Variants in F5 observed in about 807,000 individuals in gnomAD.
F5 encodes coagulation factor V.
A neutral mutation model predicts 216.4 loss-of-function variants in F5; 138 were observed. The observed-to-expected ratio is 0.64, with a 90% CI of 0.56 to 0.73. The LOEUF is 0.73. Ranked by LOEUF, F5 falls within the 30% of genes least tolerant of loss-of-function variation. The pLI is 0.00. For synonymous variants in F5, 916 were observed against 930.7 expected, an observed-to-expected ratio of 0.98 and a Z score of 0.29; for missense variants, 2,403 against 2,674.0, an observed-to-expected ratio of 0.90 and a Z score of 2.24.
intron 13 of F5, among the ~76,000 whole-genome samples, chr1:169,539,032 A>T (rs1659770932): frequency 6.6e-6 from 1 of 152,222 alleles, no homozygotes; most frequent in Non-Finnish European, 1.5e-5. Context: ...GTTCCAAAAT[A>T]AAAAGTTTAA....
intron 21 of F5, among the ~76,000 whole-genome samples, chr1:169,522,140 T>C (rs1033226961): frequency 3.9e-5 from 6 of 152,156 alleles, no homozygotes; most frequent in African/African-American, 1.4e-4. Context: ...CAATATGACA[T>C]AGATAATTTT....
At chr1:169,523,588 G>C (rs1242427779) in intron 20 of F5, among the ~76,000 whole-genome samples, 1 of 152,130 alleles carries the variant, frequency 6.6e-6, no homozygotes, top group East Asian at 1.9e-4. Context: ...GTATCTCTGT[G>C]CCTTTTGTTT....
rs6031 is a variant in F5 at position 169,542,665 on chromosome 1, G to A, written c.2425C>T (p.Pro809Ser). Reference sequence around the variant, plus strand: ...TTCTTGCCAATGAGGTGTCTCAGTGGGGAACCAGCTGTGGTGGCTTGTTGG... The same window carrying A: ...TTCTTGCCAATGAGGTGTCTCAGTGAGGAACCAGCTGTGGTGGCTTGTTGG... ...SHQQATTAGS[P>S]LRHLIGKNSV... is the part of the protein sequence containing the mutation. Residue 809 changes from proline to serine, a missense_variant, in exon 13 of 25, where the codon CCA (proline) becomes TCA (serine). Transcript: ENST00000367797. 6,930 of 1,614,062 alleles carry A rather than the reference G, an allele frequency of 4.3e-3. 263 individuals carry two copies. In the African/African-American group the frequency reaches 0.081, roughly 19 times the overall value.
At chr1:169,580,939 C>G (rs77014538) in intron 2 of F5, among the ~76,000 whole-genome samples, 1 of 152,098 alleles carries the variant, frequency 6.6e-6, no homozygotes, top group East Asian at 1.9e-4. Flanking sequence ...AATTGATCCT[C>G]TTAATATCTT....
chr1:169,540,162 G>A, intron 13 of F5, 132 bp downstream of exon 13: 1 of 931,006 alleles, frequency 1.1e-6, no homozygotes, highest in Non-Finnish European at 1.6e-6. Context: ...AAAAAGAACA[G>A]GCCAACTTGC....
intron 3 of F5, among the ~76,000 whole-genome samples, chr1:169,569,442 C>A (rs996282699): frequency 1.3e-5 from 2 of 151,962 alleles, no homozygotes; most frequent in Non-Finnish European, 2.9e-5. Context: ...ATATTAAATT[C>A]TCCATGAAAC....
intron 2 of F5, among the ~76,000 whole-genome samples, chr1:169,579,152 C>G (rs1282947866): frequency 6.6e-6 from 1 of 151,872 alleles, no homozygotes; most frequent in East Asian, 1.9e-4. Flanking sequence ...CCATTCACTC[C>G]TCAACACCCT....
intron 2 of F5, among the ~76,000 whole-genome samples, chr1:169,578,780 A>G (rs1056013457): frequency 1.3e-5 from 2 of 152,210 alleles, no homozygotes; most frequent in Admixed American, 6.5e-5. Flanking sequence ...ACTTAATTTT[A>G]TTTGCAACGT....
chr1:169,528,092 T>C lies in F5; in HGVS notation c.5422A>G (p.Ile1808Val). Reference sequence around the variant, plus strand: ...GGCAAGCTGTAGATCATCCCATTAATGGCTGAAAGGACAAAGAGTTGAAAT... The same window carrying C: ...GGCAAGCTGTAGATCATCCCATTAACGGCTGAAAGGACAAAGAGTTGAAAT... ...EMKKSHEFHAINGMIYSLPGL... is the reference protein window; with the variant it reads ...EMKKSHEFHAVNGMIYSLPGL... Residue 1808 changes from isoleucine to valine, a missense_variant and splice_region_variant, in exon 17 of 25, where the codon ATT becomes GTT. By Grantham distance (29) the Ile-to-Val change is conservative (BLOSUM62 3). Transcript: ENST00000367797. 1 of 1,613,762 alleles carries C rather than the reference T, an allele frequency of 6.2e-7. No individual in the cohort carries two copies. The highest frequency in any genetic ancestry group is 8.5e-7 in the Non-Finnish European group (1 of 1,179,752).
intron 5 of F5, among the ~76,000 whole-genome samples, chr1:169,557,222 TTAAC>T (rs1272952779): frequency 3.3e-5 from 5 of 152,258 alleles, no homozygotes; most frequent in African/African-American, 1.2e-4. Context: ...ATTCAGGACT[TTAAC>T]TATTAGAACT....
chr1:169,547,326 G>C (rs1163236551), intron 10 of F5, among the ~76,000 whole-genome samples: 6 of 152,252 alleles, frequency 3.9e-5, no homozygotes, highest in African/African-American at 1.4e-4. Context: ...AGCAACAAAA[G>C]CAAAAATTGT....
chr1:169,521,224 G>A (rs139020459), intron 21 of F5, among the ~76,000 whole-genome samples: 1 of 152,144 alleles, frequency 6.6e-6, no homozygotes, highest in Non-Finnish European at 1.5e-5. Flanking sequence ...GCTGAATGGG[G>A]AGCCTAGACT....
intron 2 of F5, among the ~76,000 whole-genome samples, chr1:169,579,309 A>G (rs1660936044): frequency 6.6e-6 from 1 of 152,156 alleles, no homozygotes. Context: ...GCTCCTTGGT[A>G]AACTTTTCTT....
At position 169,542,946 on chromosome 1, in the gene F5, G is replaced by C; in HGVS notation, c.2144C>G (p.Pro715Arg). ...ATRKMHDRLEPEDEESDADYD... is the reference protein window; with the variant it reads ...ATRKMHDRLEREDEESDADYD... The stretch of plus-strand genomic sequence containing the variant: ...GTCAGCATCACTCTCTTCATCTTCA[G>C]GTTCTAAACGATCATGCATTTTCCG... Residue 715 changes from proline to arginine, a missense_variant, in exon 13 of 25, where the codon CCT (proline) becomes CGT (arginine). By Grantham distance (103) the Pro-to-Arg change is moderately radical. Coordinates refer to ENST00000367797, the MANE Select transcript of F5 (RefSeq NM_000130.5). The C allele has an allele frequency of 6.2e-7, 1 of 1,614,044 alleles. No homozygotes were observed. Among genetic ancestry groups the C allele is most frequent in the South Asian group, 1.1e-5 (1 of 91,070 alleles).
In F5 at chr1:169,555,209, G is replaced by C; in HGVS notation, c.1091C>G (p.Ala364Gly). The C allele has an allele frequency of 6.2e-7, 1 of 1,614,094 alleles. No homozygotes were observed. The part of the protein sequence containing the change: ...IAAEEVIWDY[A>G]PVIPANMDKK... ...GTCCATATTCGCTGGTATTACAGGT[G>C]CATAGTCCCAAATGACTTCCTCTGC... Residue 364 changes from alanine (A) to glycine (G), a missense_variant, in exon 7 of 25, where the codon GCA (alanine) becomes GGA (glycine). Ala to Gly is a moderately conservative substitution (Grantham distance 60). Around this residue, in one of 4 missense-constraint regions of F5, gnomAD observed 1,425 missense variants for 1,554.8 expected, o/e 0.92. Coordinates refer to ENST00000367797, the MANE Select transcript of F5 (RefSeq NM_000130.5).
Position 169,546,552 on chromosome 1 carries a change from AAC to A in F5, c.1650_1651del (p.Phe551Ter). 1 of 1,614,192 alleles carries A rather than the reference AAC, an allele frequency of 6.2e-7. No individual in the cohort carries two copies. The highest frequency in any genetic ancestry group is 8.5e-7 in the Non-Finnish European group (1 of 1,180,010). ...AAGGTACCAGCTTTTGTTCTCATCA[AAC>A]ACAGCAAACACAGCCTGCTGTTCGA... On this transcript the variant is annotated frameshift_variant, in exon 11 of 25. Transcript: ENST00000367797. LOFTEE classifies it high-confidence loss of function.
At chr1:169,514,827 A>T (rs1184891936) in intron 24 of F5, among the ~76,000 whole-genome samples, 6 of 152,168 alleles carry the variant, frequency 3.9e-5, no homozygotes, top group Admixed American at 3.3e-4. Context: ...AAAATAAACA[A>T]GTCTCACATG....
Position 169,586,467 on chromosome 1 carries a change from T to A in F5, c.-81A>T. On this transcript the variant is annotated 5_prime_UTR_variant, in exon 1 of 25. Coordinates refer to ENST00000367797, the MANE Select transcript of F5 (RefSeq NM_000130.5). The stretch of plus-strand genomic sequence containing the variant: ...CCGAGCTGCTAACCACACTCCGGGC[T>A]GTCCCAGCTGCAATGAGCTCTAGAG... The A allele has an allele frequency of 6.5e-7, 1 of 1,543,994 alleles. No homozygotes were observed. The highest frequency in any genetic ancestry group is 8.7e-7 in the Non-Finnish European group (1 of 1,147,748).
At chr1:169,529,894 G>T in intron 15 of F5, 76 bp from the exon 16 acceptor site, 2 of 1,260,892 alleles carry the variant, frequency 1.6e-6, no homozygotes, top group Non-Finnish European at 2.3e-6. Context: ...TCATCATATA[G>T]AAAAGGAAAC....
Sources: allele counts gnomAD v4.1 joint callset (sites outside exome capture counted in the v4.1 genomes callset), GRCh38; gene constraint gnomAD v4.1.1; regional missense constraint gnomAD v4.1.1; transcripts MANE v1.5; gene names NCBI Gene and HGNC (gene_info 2026-07-23, HGNC 2026-07-21).